ZGPAT: variants seen among roughly 807,000 people sequenced by gnomAD.
ZGPAT encodes zinc finger CCCH-type and G-patch domain containing, also known as zinc finger CCCH-type with G patch domain-containing protein.
Under a neutral mutation model 47.9 loss-of-function variants are expected in ZGPAT, and 39 were observed. That is an observed-to-expected ratio of 0.81 (90% CI 0.63 to 1.06). The LOEUF is 1.06. ZGPAT is among the 50% of genes least tolerant of loss of function. ZGPAT has a pLI of 0.00. For missense variants in ZGPAT, 717 were observed against 681.4 expected (o/e 1.05, Z -0.58); for synonymous variants, 348 against 292.9 (o/e 1.19, Z -1.92).
Position 63,736,034 on chromosome 20 carries a change from T to A in ZGPAT, c.*115T>A, listed in dbSNP as rs1043273089. The A allele has an allele frequency of 7.0e-7, 1 of 1,435,784 alleles. No homozygotes were observed. The highest frequency in any genetic ancestry group is 1.4e-5 in the African/African-American group (1 of 69,868). 88.9% of individuals were successfully genotyped at this position (1,435,784 alleles called of 1,614,324 possible). ...CTGGCCTGGGGCGTGCAGACACTGC[T>A]GAGTGGAGACAGAGCTGCGGGGTCC... On this transcript the variant is annotated 3_prime_UTR_variant, in exon 7 of 7. Transcript: ENST00000355969.
In ZGPAT at chr20:63,708,690, G is replaced by A; in HGVS notation, c.110G>A (p.Arg37His). The A allele has an allele frequency of 1.2e-6, 2 of 1,612,766 alleles. No individual in the cohort carries two copies. ...GLDSSEQADL[R>H]QLQGDLKELI... ...GATTCGTCTGAGCAGGCTGACCTGC[G>A]CCAGCTGCAGGGGGACCTGAAGGAG... Residue 37 changes from arginine (R) to histidine (H), a missense_variant, in exon 2 of 7, where the codon CGC becomes CAC. Arg to His is a conservative substitution (Grantham distance 29, BLOSUM62 0). Coordinates refer to ENST00000355969, the MANE Select transcript of ZGPAT (RefSeq NM_181485.3).
chr20:63,722,192 G>T (rs1162993497), intron 2 of ZGPAT, among the ~76,000 whole-genome samples: 5 of 152,152 alleles, frequency 3.3e-5, no homozygotes, highest in Non-Finnish European at 7.3e-5. Flanking sequence ...ACACCAGCAA[G>T]CCACATCAGA....
rs1420222741 is a variant in ZGPAT, at chr20:63,709,238, C to T, written c.584+74C>T. On this transcript the variant is annotated intron_variant, in intron 2 of 6. Transcript: ENST00000355969. ...GCACACAGGGTCGGGTCAGGATCGG[C>T]CCTCCCTTTGCTTTGCAGTTTTGTC... The T allele has an allele frequency of 1.2e-5, 19 of 1,543,560 alleles. No homozygotes were observed. In the Admixed American group the frequency reaches 1.8e-4, roughly 15 times the overall value.
In ZGPAT at chr20:63,735,989, C is replaced by T; in HGVS notation, c.*70C>T. ...GCTGCCCTCAGGAAGACCAGTGTTGCCCGAGGAGGGGCCGGCCTGCTGGCC... is the reference window on the plus strand; with the variant it reads ...GCTGCCCTCAGGAAGACCAGTGTTGTCCGAGGAGGGGCCGGCCTGCTGGCC... On this transcript the variant is annotated 3_prime_UTR_variant, in exon 7 of 7. Coordinates refer to ENST00000355969, the MANE Select transcript of ZGPAT (RefSeq NM_181485.3). The T allele has an allele frequency of 6.4e-7, 1 of 1,555,546 alleles. No homozygotes were observed. The highest frequency in any genetic ancestry group is 8.7e-7 in the Non-Finnish European group (1 of 1,147,766).
chr20:63,733,272 C>G lies in ZGPAT; in HGVS notation c.638C>G (p.Pro213Arg), dbSNP rs903150759. The change falls in exon 3 of 7, where the codon CCA becomes CGA. Residue 213 changes from proline (P) to arginine (R), a missense_variant. Transcript: ENST00000355969. ...GATGAGCTGCGCCCCTTCCAGGACC[C>G]AGACCTGAGCTCCCTGCAGGCCGGC... The part of the protein sequence containing the change: ...SLDELRPFQD[P>R]DLSSLQAGSA... 3.7e-6 allele frequency: 6 copies of G among 1,613,836 alleles called. No individual in the cohort carries two copies. Among genetic ancestry groups the G allele is most frequent in the South Asian group, 1.1e-5 (1 of 91,082 alleles).
In ZGPAT at chr20:63,736,080, C is replaced by A; in HGVS notation, c.*161C>A. ...GGTCCCATCTGGACACTTACTTGCC[C>A]ACCTGCCAGTGTCTTGGGCATTTCC... On this transcript the variant is annotated 3_prime_UTR_variant, in exon 7 of 7. Transcript: ENST00000355969. 3.0e-6 allele frequency: 3 copies of A among 992,964 alleles called. No homozygotes were observed. Among genetic ancestry groups the A allele is most frequent in the Non-Finnish European group, 4.4e-6 (3 of 682,074 alleles). 61.5% of individuals were successfully genotyped at this position (992,964 alleles called of 1,614,324 possible). A position where few individuals can be genotyped will look rare whatever the true frequency, so the allele number is the denominator to read the frequency against.
At chr20:63,709,315 C>T in intron 2 of ZGPAT, 151 bp downstream of exon 2, 1 of 851,202 alleles carries the variant, frequency 1.2e-6, no homozygotes, top group Non-Finnish European at 1.9e-6. Flanking sequence ...GTTCAGGCGT[C>T]TACGTCTTCC....
At chr20:63,726,515 T>TTTTGTTTG (rs56397565) in intron 2 of ZGPAT, among the ~76,000 whole-genome samples, 1,967 of 146,868 alleles carry the variant, frequency 0.013, 27 homozygotes, top group Non-Finnish European at 0.021. Context: ...TTAATAGGCT[T>TTTTGTTTG]TTTGTTTGTT....
rs201849923 is a variant in ZGPAT, at chr20:63,708,835, C to T, written c.255C>T (p.Ala85=). The T allele has an allele frequency of 1.2e-6, 2 of 1,605,204 alleles. No homozygotes were observed. The highest frequency in any genetic ancestry group is 1.7e-5 in the Admixed American group (1 of 59,660). Residue 85 remains alanine, a synonymous_variant, in exon 2 of 7, where the codon GCC becomes GCT. Transcript: ENST00000355969. ...CTGAGTACCAGGCTTTCCGGGAGGC[C>T]ATCACTGAGGCGGTGGAGGCACCAG... ...EDAEYQAFRE[A]ITEAVEAPAA...
intron 2 of ZGPAT, among the ~76,000 whole-genome samples, chr20:63,710,712 C>T (rs1228448249): frequency 1.3e-5 from 2 of 152,128 alleles, no homozygotes; most frequent in Non-Finnish European, 2.9e-5. Flanking sequence ...CATCTCTAAT[C>T]TAACTGATTA....
chr20:63,711,585 T>C (rs1207813040), intron 2 of ZGPAT, among the ~76,000 whole-genome samples: 1 of 151,952 alleles, frequency 6.6e-6, no homozygotes, highest in Non-Finnish European at 1.5e-5. Context: ...TAAGTTCTCT[T>C]GGATTTGCGT....
intron 2 of ZGPAT, among the ~76,000 whole-genome samples, chr20:63,732,364 C>G (rs372294715): frequency 0.012 from 360 of 29,858 alleles, 2 homozygotes; most frequent in African/African-American, 0.016. Flanking sequence ...GTGCATGTGT[C>G]AGGGTGTGTG....
intron 2 of ZGPAT, among the ~76,000 whole-genome samples, chr20:63,723,607 C>G (rs933824611): frequency 1.3e-5 from 2 of 150,374 alleles, no homozygotes; most frequent in Non-Finnish European, 3.0e-5. Flanking sequence ...ATCCTCCCTT[C>G]TCCTCTGACA....
At position 63,733,719 on chromosome 20, in the gene ZGPAT, G is replaced by A. The variant is rs1282456514; in HGVS notation, c.851G>A (p.Gly284Asp). The A allele has an allele frequency of 2.1e-5, 34 of 1,612,978 alleles. No individual in the cohort carries two copies. The highest frequency in any genetic ancestry group is 2.9e-5 in the Non-Finnish European group (34 of 1,179,538). Residue 284 changes from glycine (G) to aspartate (D), a missense_variant, in exon 4 of 7, where the codon GGT (glycine) becomes GAT (aspartate). Transcript: ENST00000355969. ...TCCGACTCAGACAGCGACGGTACGG[G>A]TGACTCCAGCTATGCCAGAGGTATG... ...TESDSDSDGT[G>D]DSSYARVVGS...
intron 2 of ZGPAT, among the ~76,000 whole-genome samples, chr20:63,713,727 C>G (rs1322980176): frequency 2.6e-5 from 4 of 151,468 alleles, no homozygotes; most frequent in African/African-American, 9.7e-5. Flanking sequence ...AAAAATTAGT[C>G]TGGCATGGTG....
Position 63,733,643 on chromosome 20 carries a change from G to A in ZGPAT, c.775G>A (p.Val259Met), listed in dbSNP as rs772256599. The A allele has an allele frequency of 4.3e-6, 7 of 1,614,046 alleles. No homozygotes were observed. Among genetic ancestry groups the A allele is most frequent in the South Asian group, 2.2e-5 (2 of 91,088 alleles). The change falls in exon 4 of 7, where the codon GTG becomes ATG. Residue 259 changes from valine to methionine, a missense_variant. Physicochemically the swap from Val to Met is conservative, Grantham distance 21. Transcript: ENST00000355969. ...KFDSLLLREA[V>M]VEGDGILPPL... ...TGACTCGCTGCTGCTGAGGGAGGCC[G>A]TGGTGGAGGGGGACGGCATCCTGCC...
chr20:63,727,716 C>T (rs1254018021), intron 2 of ZGPAT, among the ~76,000 whole-genome samples: 1 of 150,346 alleles, frequency 6.7e-6, no homozygotes, highest in Non-Finnish European at 1.5e-5. Context: ...TGAATCATTG[C>T]CATCATATTT....
intron 2 of ZGPAT, 100 bp from the exon 3 acceptor site, chr20:63,733,119 T>TC: frequency 6.7e-7 from 1 of 1,496,266 alleles, no homozygotes; most frequent in Non-Finnish European, 9.0e-7. Flanking sequence ...TGTGTCTGTC[T>TC]CCCTCAGGAC....
Position 63,735,359 on chromosome 20 carries a change from C to G in ZGPAT, c.1192C>G (p.Leu398Val). 6.5e-7 allele frequency: 1 copy of G among 1,546,450 alleles called. No homozygotes were observed. Among genetic ancestry groups the G allele is most frequent in the Non-Finnish European group, 8.7e-7 (1 of 1,150,402 alleles). ...AGCTCCTCGGAATGTGTTTGACTTC[C>G]TCAATGAAAAGCTGCAAGGTCAGGC... The part of the protein sequence containing the change: ...RPAPRNVFDF[L>V]NEKLQGQAPG... Residue 398 changes from leucine to valine, a missense_variant, in exon 6 of 7, where the codon CTC (leucine) becomes GTC (valine). Coordinates refer to ENST00000355969, the MANE Select transcript of ZGPAT (RefSeq NM_181485.3).
Sources: gnomAD v4.1 joint callset for allele counts (sites outside exome capture counted in the v4.1 genomes callset) on GRCh38, gnomAD v4.1.1 for gene constraint, MANE v1.5 for transcripts, NCBI Gene and HGNC (gene_info 2026-07-23, HGNC 2026-07-21) for gene names.